Variants in NELL2 observed in about 807,000 individuals in gnomAD.
The protein encoded by NELL2 is protein kinase C-binding protein NELL2.
NELL2 carries 41 observed loss-of-function variants against 109.6 expected under a neutral mutation model. The observed-to-expected ratio is 0.37, with a 90% CI of 0.29 to 0.49. The LOEUF is 0.49. Among genes scored for constraint, NELL2 ranks in the 20% least tolerant of loss-of-function variants. NELL2 has a pLI of 0.98. For synonymous variants in NELL2, 355 were observed against 344.7 expected, an observed-to-expected ratio of 1.03 and a Z score of -0.33; for missense variants, 900 against 1,008.3, an observed-to-expected ratio of 0.89 and a Z score of 1.45.
At chr12:44,659,473 C>A (rs7296595) in intron 13 of NELL2, among the ~76,000 whole-genome samples, 9,479 of 152,158 alleles carry the variant, frequency 0.062, 395 homozygotes, top group Non-Finnish European at 0.09. Context: ...TATCTAGAAT[C>A]TTCAAGGAAC....
intron 2 of NELL2, among the ~76,000 whole-genome samples, chr12:44,874,678 T>C (rs1453457189): frequency 6.6e-6 from 1 of 152,228 alleles, no homozygotes; most frequent in Non-Finnish European, 1.5e-5. Context: ...TCTCTTGTTA[T>C]TGGTGGATGA....
rs1948755051 is a variant in NELL2 at position 44,687,301 on chromosome 12, T to C, written c.1318+16425A>G. Reference sequence around the variant, plus strand: ...CGCGCACCCACTGACCTGCGCCCACTGTCTGGCACTCCCTAGTGAGATGAA... The same window carrying C: ...CGCGCACCCACTGACCTGCGCCCACCGTCTGGCACTCCCTAGTGAGATGAA... On this transcript the variant is annotated intron_variant, in intron 12 of 19. Transcript: ENST00000429094. Among the ~76,000 whole-genome samples the C allele has an allele frequency of 2.6e-5, 4 of 152,286 alleles. No individual in the cohort carries two copies. In the South Asian group the frequency reaches 8.3e-4, roughly 32 times the overall value.
chr12:44,762,484 T>TA (rs1260356248), intron 9 of NELL2, among the ~76,000 whole-genome samples: 1 of 152,242 alleles, frequency 6.6e-6, no homozygotes, highest in Non-Finnish European at 1.5e-5. Flanking sequence ...TTCTTCCCTG[T>TA]ATAACTTCAA....
intron 12 of NELL2, among the ~76,000 whole-genome samples, chr12:44,676,792 G>A (rs1010452706): frequency 1.3e-5 from 2 of 152,166 alleles, no homozygotes; most frequent in South Asian, 4.1e-4. Context: ...AACACACATG[G>A]AGAAAAATGA....
At chr12:44,587,950 G>C (rs536569830) in intron 15 of NELL2, among the ~76,000 whole-genome samples, 4 of 152,098 alleles carry the variant, frequency 2.6e-5, no homozygotes, top group Non-Finnish European at 5.9e-5. Flanking sequence ...AGGAGATAGA[G>C]ACCATCCTGG....
At chr12:44,633,588 T>C (rs1436423912) in intron 13 of NELL2, among the ~76,000 whole-genome samples, 1 of 152,112 alleles carries the variant, frequency 6.6e-6, no homozygotes, top group African/African-American at 2.4e-5. Flanking sequence ...CCTTTACAAA[T>C]CACACGAAAT....
chr12:44,603,104 T>G (rs1438336377), intron 15 of NELL2, among the ~76,000 whole-genome samples: 2 of 152,100 alleles, frequency 1.3e-5, no homozygotes, highest in Non-Finnish European at 2.9e-5. Flanking sequence ...ACAAAAACAC[T>G]TAGGGGTGCA....
In NELL2 at chr12:44,615,118, A is replaced by C. The variant is rs1945772936; in HGVS notation, c.1445-4148T>G. Reference sequence around the variant, plus strand: ...ATGGATTCATTATGAGAAATTGCTAAAGTAGAGAAGTAACACTGCTTACAG... The same window carrying C: ...ATGGATTCATTATGAGAAATTGCTACAGTAGAGAAGTAACACTGCTTACAG... On this transcript the variant is annotated intron_variant, in intron 13 of 19. Transcript: ENST00000429094. 2.6e-5 allele frequency among the ~76,000 whole-genome samples: 4 copies of C among 152,112 alleles called. No individual in the cohort carries two copies. The South Asian group carries it at 8.3e-4, about 31-fold the overall frequency.
At chr12:44,549,680 G>T (rs1187983598) in intron 15 of NELL2, among the ~76,000 whole-genome samples, 2 of 151,802 alleles carry the variant, frequency 1.3e-5, no homozygotes, top group Non-Finnish European at 2.9e-5. Context: ...GCATCAAAAA[G>T]AATAAAATAC....
intron 9 of NELL2, among the ~76,000 whole-genome samples, chr12:44,767,038 G>T (rs139222285): frequency 6.6e-6 from 1 of 152,052 alleles, no homozygotes; most frequent in Non-Finnish European, 1.5e-5. Context: ...AATTAAATAG[G>T]CACAGTATAA....
At chr12:44,610,750 C>A (rs551980946) in intron 14 of NELL2, 98 bp downstream of exon 14, 2 of 1,516,866 alleles carry the variant, frequency 1.3e-6, no homozygotes, top group Admixed American at 1.7e-5. Context: ...GTAGGAAGTA[C>A]CTGGAATGTA....
chr12:44,616,480 A>C (rs1039562930), intron 13 of NELL2, among the ~76,000 whole-genome samples: 12 of 152,294 alleles, frequency 7.9e-5, no homozygotes, highest in African/African-American at 2.9e-4. Flanking sequence ...TCTAGTCGTA[A>C]CTATCATTTG....
chr12:44,562,613 TGA>T (rs1355069558), intron 15 of NELL2, among the ~76,000 whole-genome samples: 1 of 152,110 alleles, frequency 6.6e-6, no homozygotes, highest in East Asian at 1.9e-4. Context: ...AAAACCACAA[TGA>T]GATACAATTT....
At chr12:44,870,436 T>C (rs943480069) in intron 2 of NELL2, among the ~76,000 whole-genome samples, 1 of 152,170 alleles carries the variant, frequency 6.6e-6, no homozygotes, top group Non-Finnish European at 1.5e-5. Context: ...AAAATTTGTA[T>C]TCGTTTCCTA....
intron 12 of NELL2, among the ~76,000 whole-genome samples, chr12:44,682,323 T>C (rs1948542289): frequency 6.6e-6 from 1 of 151,166 alleles, no homozygotes; most frequent in South Asian, 2.1e-4. Flanking sequence ...TATTAGCCCT[T>C]TGTCAGATGA....
chr12:44,735,004 T>G (rs955648390), intron 9 of NELL2, among the ~76,000 whole-genome samples: 15 of 152,120 alleles, frequency 9.9e-5, no homozygotes, highest in Non-Finnish European at 8.8e-5. Context: ...TTTCAACTGT[T>G]GAAAAGTTAG....
intron 13 of NELL2, among the ~76,000 whole-genome samples, chr12:44,653,543 A>G (rs1354512715): frequency 6.6e-6 from 1 of 152,112 alleles, no homozygotes; most frequent in Non-Finnish European, 1.5e-5. Flanking sequence ...TTTGCAAATC[A>G]TTTTTTAAAT....
intron 5 of NELL2, among the ~76,000 whole-genome samples, 167 bp from the exon 6 acceptor site, chr12:44,777,481 T>C (rs1176962474): frequency 6.6e-6 from 1 of 152,214 alleles, no homozygotes; most frequent in Non-Finnish European, 1.5e-5. Context: ...GGGAAAGAAA[T>C]TCATCAGGCA....
intron 1 of NELL2, among the ~76,000 whole-genome samples, chr12:44,895,763 C>A (rs1945586180): frequency 1.3e-5 from 2 of 152,064 alleles, no homozygotes; most frequent in South Asian, 4.1e-4. Context: ...ACCACCACCC[C>A]AGGGCACATT....
Sources: allele counts gnomAD v4.1 joint callset (sites outside exome capture counted in the v4.1 genomes callset), GRCh38; gene constraint gnomAD v4.1.1; transcripts MANE v1.5; gene names NCBI Gene and HGNC (gene_info 2026-07-23, HGNC 2026-07-21).